The following PTPRT variants were observed in gnomAD, a reference collection of about 807,000 sequenced individuals.
PTPRT encodes the protein protein tyrosine phosphatase receptor type T.
PTPRT carries 56 observed loss-of-function variants against 176.8 expected under a neutral mutation model. The ratio of observed to expected loss-of-function variants is 0.32; its 90% CI spans 0.26 to 0.40. The LOEUF (loss-of-function observed/expected upper bound fraction) is 0.40, where lower values mean the gene tolerates loss of function less well. Among genes scored for constraint, PTPRT ranks in the 10% least tolerant of loss-of-function variants. The pLI is 1.00. For synonymous variants in PTPRT, 783 were observed against 739.0 expected (o/e 1.06, Z -0.96); for missense variants, 1,540 against 1,908.2 (o/e 0.81, Z 3.60).
At chr20:42,533,212 T>C (rs1252102673) in intron 7 of PTPRT, among the ~76,000 whole-genome samples, 1 of 152,208 alleles carries the variant, frequency 6.6e-6, no homozygotes. Flanking sequence ...AAATCGCTAC[T>C]GGCCTATTCA....
chr20:42,817,916 G>A (rs1444513458), intron 2 of PTPRT, among the ~76,000 whole-genome samples: 1 of 152,188 alleles, frequency 6.6e-6, no homozygotes, highest in Non-Finnish European at 1.5e-5. Flanking sequence ...CAGTTTCTAG[G>A]GACCAGCAGA....
At chr20:42,995,913 T>C (rs2146117871) in intron 1 of PTPRT, among the ~76,000 whole-genome samples, 1 of 152,220 alleles carries the variant, frequency 6.6e-6, no homozygotes, top group East Asian at 1.9e-4. Context: ...ACTCCTGGGC[T>C]CAAGCGATCC....
intron 1 of PTPRT, among the ~76,000 whole-genome samples, chr20:43,134,854 G>T (rs191761566): frequency 6.6e-6 from 1 of 152,154 alleles, no homozygotes; most frequent in African/African-American, 2.4e-5. Flanking sequence ...TAGACTAAGG[G>T]TTTATTAACC....
intron 1 of PTPRT, among the ~76,000 whole-genome samples, chr20:43,182,766 C>T (rs1231029360): frequency 3.3e-5 from 5 of 152,088 alleles, no homozygotes; most frequent in Non-Finnish European, 7.4e-5. Context: ...TTGATGGAAG[C>T]CCCCTACAAA....
At chr20:43,043,675 T>C (rs1179603057) in intron 1 of PTPRT, among the ~76,000 whole-genome samples, 1 of 152,014 alleles carries the variant, frequency 6.6e-6, no homozygotes, top group African/African-American at 2.4e-5. Flanking sequence ...TAGGTTAAAG[T>C]TCAAGGACAG....
chr20:42,889,251 C>T (rs2079152296), intron 1 of PTPRT, among the ~76,000 whole-genome samples: 1 of 152,222 alleles, frequency 6.6e-6, no homozygotes, highest in African/African-American at 2.4e-5. Flanking sequence ...CTTCAATCTG[C>T]AGCAGGTAAG....
chr20:43,032,243 T>G (rs1297024055), intron 1 of PTPRT, among the ~76,000 whole-genome samples: 1 of 152,092 alleles, frequency 6.6e-6, no homozygotes, highest in Admixed American at 6.6e-5. Context: ...TAAACATCAG[T>G]TCCTCAGGTG....
At chr20:43,088,909 C>G (rs1221771567) in intron 1 of PTPRT, among the ~76,000 whole-genome samples, 1 of 152,122 alleles carries the variant, frequency 6.6e-6, no homozygotes, top group African/African-American at 2.4e-5. Flanking sequence ...TAGATCCTGA[C>G]TCCTATGCAA....
At chr20:42,143,164 G>A (rs761639578) in intron 17 of PTPRT, among the ~76,000 whole-genome samples, 21 of 152,052 alleles carry the variant, frequency 1.4e-4, no homozygotes, top group Non-Finnish European at 2.5e-4. Flanking sequence ...TTTGGGCAGG[G>A]GAATCATCTG....
intron 7 of PTPRT, among the ~76,000 whole-genome samples, chr20:42,633,785 AT>A (rs1238381729): frequency 0.083 from 404 of 4,866 alleles, no homozygotes; most frequent in Non-Finnish European, 0.16. Flanking sequence ...GACTCTGAAA[AT>A]ATATATATAT....
intron 6 of PTPRT, chr20:42,685,563 T>G (rs1429822305): frequency 6.6e-6 from 1 of 152,198 alleles, no homozygotes; most frequent in Non-Finnish European, 1.5e-5. Context: ...CGGTTAACTT[T>G]AGCTTCGGCC....
At chr20:42,411,334 T>A (rs2059014295) in intron 9 of PTPRT, among the ~76,000 whole-genome samples, 1 of 151,716 alleles carries the variant, frequency 6.6e-6, no homozygotes, top group African/African-American at 2.4e-5. Flanking sequence ...CTGGCCAACT[T>A]GGTGAAACCC....
chr20:42,735,053 A>G (rs2076518483), intron 6 of PTPRT, among the ~76,000 whole-genome samples: 1 of 152,228 alleles, frequency 6.6e-6, no homozygotes, highest in Admixed American at 6.5e-5. Flanking sequence ...TCAATAAGGA[A>G]TTGGGATATA....
chr20:42,571,443 C>A (rs2073151469), intron 7 of PTPRT, among the ~76,000 whole-genome samples: 1 of 152,166 alleles, frequency 6.6e-6, no homozygotes, highest in African/African-American at 2.4e-5. Context: ...CCTGCCAACA[C>A]ATCAATTTTA....
At chr20:42,854,915 C>G (rs969238693) in intron 2 of PTPRT, among the ~76,000 whole-genome samples, 1 of 152,226 alleles carries the variant, frequency 6.6e-6, no homozygotes, top group African/African-American at 2.4e-5. Flanking sequence ...AGGAAATCAT[C>G]TTCTAAAAAC....
At chr20:42,872,833 G>C (rs2078868181) in intron 2 of PTPRT, among the ~76,000 whole-genome samples, 1 of 152,148 alleles carries the variant, frequency 6.6e-6, no homozygotes, top group Admixed American at 6.5e-5. Context: ...GTGGGTGTAG[G>C]AAGCCCAGAG....
chr20:42,119,043 A>ACC (rs1480384977), intron 20 of PTPRT, among the ~76,000 whole-genome samples: 2 of 139,180 alleles, frequency 1.4e-5, no homozygotes, highest in Non-Finnish European at 3.1e-5. Context: ...AAAAAAAAAG[A>ACC]CCAGGAGCAG....
At chr20:42,374,016 G>A (rs2058621069) in intron 9 of PTPRT, among the ~76,000 whole-genome samples, 1 of 152,186 alleles carries the variant, frequency 6.6e-6, no homozygotes. Context: ...AGGGAGGTGG[G>A]AGCAGAGAGG....
Position 43,176,682 on chromosome 20 carries a change from T to C in PTPRT, c.88+12964A>G, listed in dbSNP as rs190018292. Reference sequence around the variant, plus strand: ...TGATTATTAATACATATTTGATTGATGTATCCATTAAATTACCCCTGTTTT... The same window carrying C: ...TGATTATTAATACATATTTGATTGACGTATCCATTAAATTACCCCTGTTTT... On this transcript the variant is annotated intron_variant, in intron 1 of 30. Transcript: ENST00000373187. Among the ~76,000 whole-genome samples the C allele has an allele frequency of 5.3e-5, 8 of 152,370 alleles. No homozygotes were observed. In the East Asian group the frequency reaches 9.6e-4, roughly 18 times the overall value.
Sources: gnomAD v4.1 joint callset for allele counts (sites outside exome capture counted in the v4.1 genomes callset) on GRCh38, gnomAD v4.1.1 for gene constraint, MANE v1.5 for transcripts, NCBI Gene and HGNC (gene_info 2026-07-23, HGNC 2026-07-21) for gene names.